The following ARB2A variants were observed in gnomAD, a reference collection of about 807,000 sequenced individuals.
ARB2A encodes the protein cotranscriptional regulator ARB2A.
At chr5:93,831,299 T>TAAAAAA in the ARB2A span, among the ~76,000 whole-genome samples, 6 of 136,516 alleles carry the variant, frequency 4.4e-5, no homozygotes, top group Non-Finnish European at 7.8e-5. Flanking sequence ...ACTCCGCTGC[T>TAAAAAA]AAAAAAAAAA....
the ARB2A span, among the ~76,000 whole-genome samples, chr5:93,978,638 G>A: frequency 6.6e-6 from 1 of 152,006 alleles, no homozygotes; most frequent in Non-Finnish European, 1.5e-5. Flanking sequence ...GAAGAAAGGA[G>A]GGAAGGTAAG....
At chr5:94,066,422 G>GCACACACA in the ARB2A span, among the ~76,000 whole-genome samples, 424 of 132,506 alleles carry the variant, frequency 3.2e-3, 1 homozygote, top group African/African-American at 9.4e-3. Flanking sequence ...GCCAGACTAA[G>GCACACACA]CACACACACA....
chr5:93,628,795 A>G, the ARB2A span, among the ~76,000 whole-genome samples: 4 of 152,180 alleles, frequency 2.6e-5, no homozygotes, highest in Non-Finnish European at 5.9e-5. Context: ...CTTGGTCTGG[A>G]TTAAGCTCTG....
the ARB2A span, among the ~76,000 whole-genome samples, chr5:93,828,973 C>T: frequency 2.0e-5 from 3 of 152,092 alleles, no homozygotes; most frequent in Admixed American, 6.6e-5. Context: ...GATGGGGTTT[C>T]GCCATGTTGG....
the ARB2A span, among the ~76,000 whole-genome samples, chr5:94,023,282 C>T: frequency 6.6e-6 from 1 of 152,052 alleles, no homozygotes; most frequent in East Asian, 1.9e-4. Context: ...CTTGGCAGAC[C>T]CATATCACTA....
chr5:93,727,647 T>C, the ARB2A span, among the ~76,000 whole-genome samples: 1 of 152,134 alleles, frequency 6.6e-6, no homozygotes, highest in East Asian at 1.9e-4. Context: ...GCACTAAACA[T>C]GAGTCCACTA....
At chr5:93,719,228 A>G in the ARB2A span, among the ~76,000 whole-genome samples, 1 of 152,336 alleles carries the variant, frequency 6.6e-6, no homozygotes, top group South Asian at 2.1e-4. Flanking sequence ...GTAGGCCAAA[A>G]TAAACCAGCT....
chr5:93,917,821 T>G, the ARB2A span, among the ~76,000 whole-genome samples: 1 of 152,164 alleles, frequency 6.6e-6, no homozygotes. Context: ...GAGGTAGCAG[T>G]GGGCTGTGAT....
the ARB2A span, among the ~76,000 whole-genome samples, chr5:93,757,189 T>C: frequency 2.3e-3 from 348 of 151,948 alleles, 1 homozygote; most frequent in African/African-American, 8.3e-3. Flanking sequence ...GAAAAAAGAA[T>C]AAGAAAATAT....
the ARB2A span, among the ~76,000 whole-genome samples, chr5:93,683,826 T>C: frequency 6.6e-6 from 1 of 152,308 alleles, no homozygotes; most frequent in South Asian, 2.1e-4. Flanking sequence ...AAAGTTTTTT[T>C]TTTAAAGATA....
the ARB2A span, among the ~76,000 whole-genome samples, chr5:94,105,605 A>AT: frequency 6.6e-6 from 1 of 151,998 alleles, no homozygotes; most frequent in Non-Finnish European, 1.5e-5. Context: ...TACCAATGAC[A>AT]TTTTTCACAG....
the ARB2A span, among the ~76,000 whole-genome samples, chr5:93,628,125 A>C: frequency 7.7e-6 from 1 of 129,936 alleles, no homozygotes; most frequent in Non-Finnish European, 1.5e-5. Flanking sequence ...ATCTTGGCTC[A>C]CTGCAACCTC....
chr5:93,821,154 T>A, the ARB2A span, among the ~76,000 whole-genome samples: 14 of 152,314 alleles, frequency 9.2e-5, no homozygotes, highest in African/African-American at 3.1e-4. Flanking sequence ...CATTTACTGG[T>A]GAAACTGTAC....
chr5:93,907,043 T>G, the ARB2A span, among the ~76,000 whole-genome samples: 1 of 151,468 alleles, frequency 6.6e-6, no homozygotes, highest in Non-Finnish European at 1.5e-5. Flanking sequence ...TGCACACATG[T>G]AAGGGTAACC....
At chr5:93,755,463 T>C in the ARB2A span, among the ~76,000 whole-genome samples, 16 of 152,198 alleles carry the variant, frequency 1.1e-4, no homozygotes, top group Non-Finnish European at 2.1e-4. Flanking sequence ...ATTCTAGCTC[T>C]AGATTGACTG....
chr5:93,647,863 C>T, the ARB2A span, among the ~76,000 whole-genome samples: 2 of 152,082 alleles, frequency 1.3e-5, no homozygotes, highest in East Asian at 3.9e-4. Context: ...TTAATAGATG[C>T]CAGGGATGGT....
chr5:93,669,556 T>A, the ARB2A span, among the ~76,000 whole-genome samples: 28 of 152,326 alleles, frequency 1.8e-4, no homozygotes, highest in South Asian at 2.3e-3. Context: ...CTTAATGTTA[T>A]TAAAATTCTT....
At chr5:93,651,692 TA>T in the ARB2A span, among the ~76,000 whole-genome samples, 1 of 152,160 alleles carries the variant, frequency 6.6e-6, no homozygotes, top group East Asian at 1.9e-4. Flanking sequence ...TTATTTTATT[TA>T]AAAAATAACT....
the ARB2A span, among the ~76,000 whole-genome samples, chr5:93,808,935 T>C: frequency 6.6e-6 from 1 of 152,062 alleles, no homozygotes; most frequent in Non-Finnish European, 1.5e-5. Context: ...ATATAGATAC[T>C]ACCAAGCAAA....
Sources: gnomAD v4.1 joint callset for allele counts (sites outside exome capture counted in the v4.1 genomes callset) on GRCh38, gnomAD v4.1.1 for gene constraint, MANE v1.5 for transcripts, NCBI Gene and HGNC (gene_info 2026-07-23, HGNC 2026-07-21) for gene names.